WDR25: variants seen among roughly 807,000 people sequenced by gnomAD.
WDR25 encodes WD repeat-containing protein 25.
Under a neutral mutation model 47.7 loss-of-function variants are expected in WDR25, and 35 were observed. The observed-to-expected ratio is 0.73, with a 90% CI of 0.56 to 0.97. The LOEUF is 0.97. Ranked by LOEUF, WDR25 falls within the 50% of genes least tolerant of loss-of-function variation. The pLI, the probability that WDR25 is intolerant of heterozygous loss-of-function variation, is 0.00. For synonymous variants in WDR25, 248 were observed against 278.9 expected (o/e 0.89, Z 1.10); for missense variants, 634 against 704.7 (o/e 0.90, Z 1.14).
intron 2 of WDR25, among the ~76,000 whole-genome samples, chr14:100,452,663 C>T (rs1326216797): frequency 1.3e-5 from 2 of 151,992 alleles, no homozygotes; most frequent in Admixed American, 1.3e-4. Flanking sequence ...AGATTTATTC[C>T]AGGTGTGATG....
chr14:100,435,497 A>G lies in WDR25; in HGVS notation c.823-32524A>G, dbSNP rs75237897. Reference sequence around the variant, plus strand: ...GTGCTCAGAAAAATTTTTAAAAATGATAGTGATATGTGATCAAAAAAGTTT... The same window carrying G: ...GTGCTCAGAAAAATTTTTAAAAATGGTAGTGATATGTGATCAAAAAAGTTT... On this transcript the variant is annotated intron_variant, in intron 2 of 6. Transcript: ENST00000402312. Among the ~76,000 whole-genome samples, 333 of 152,308 alleles carry G rather than the reference A, an allele frequency of 2.2e-3. 8 individuals carry two copies. The East Asian group carries it at 0.052, about 24-fold the overall frequency.
chr14:100,394,444 A>G (rs1897213920), intron 2 of WDR25, among the ~76,000 whole-genome samples: 1 of 152,142 alleles, frequency 6.6e-6, no homozygotes, highest in Non-Finnish European at 1.5e-5. Context: ...GTGAGCAGAG[A>G]AAGCACTCAG....
At chr14:100,511,681 A>G (rs1359832509) in intron 4 of WDR25, among the ~76,000 whole-genome samples, 3 of 151,708 alleles carry the variant, frequency 2.0e-5, no homozygotes, top group Admixed American at 6.6e-5. Flanking sequence ...TCCTTGCCTT[A>G]TTTCTGATCA....
rs529281096 is a variant in WDR25 at position 100,523,808 on chromosome 14, A to G, written c.1102-2062A>G. ...CTACCAGGGGCCCGCAGTTGCCAGA[A>G]GAGTCTGAGTGAGACTCCCTTTTGG... On this transcript the variant is annotated intron_variant, in intron 4 of 6. Coordinates refer to ENST00000402312, the MANE Select transcript of WDR25 (RefSeq NM_001161476.3). This position sits in a 1 kb window ranked among gnomAD's most constrained non-coding sequence, Gnocchi z 4.7. Among the ~76,000 whole-genome samples the G allele has an allele frequency of 5.9e-5, 9 of 152,240 alleles. No homozygotes were observed. The South Asian group carries it at 1.9e-3, about 32-fold the overall frequency.
At chr14:100,456,522 C>T (rs1198194400) in intron 2 of WDR25, among the ~76,000 whole-genome samples, 1 of 152,166 alleles carries the variant, frequency 6.6e-6, no homozygotes, top group African/African-American at 2.4e-5. Context: ...AAGGTAGAGA[C>T]TAGCATGAGC....
chr14:100,454,636 A>G (rs1899143492), intron 2 of WDR25: 1 of 408,462 alleles, frequency 2.4e-6, no homozygotes, highest in South Asian at 1.8e-5. Context: ...TCTGACTTTT[A>G]TGATTTTGTC....
In WDR25 at chr14:100,430,667, C is replaced by T. The variant is rs1898304818; in HGVS notation, c.823-37354C>T. On this transcript the variant is annotated intron_variant, in intron 2 of 6. Coordinates refer to ENST00000402312, the MANE Select transcript of WDR25 (RefSeq NM_001161476.3). The surrounding 1 kb of genome is among the most constrained non-coding windows in gnomAD (Gnocchi z 4.7). The stretch of plus-strand genomic sequence containing the variant: ...ACTGAGGCACAGTGGGAACCAGCGG[C>T]TGTTATAGGTGACCCAGTGAGGGAG... 6.6e-6 allele frequency among the ~76,000 whole-genome samples: 1 copy of T among 152,166 alleles called. No homozygotes were observed.
rs116641302 is a variant in WDR25 at position 100,499,945 on chromosome 14, C to G, written c.1101+15821C>G. ...GGGATACAAGGACTGGAAATTGACA[C>G]CAGATAGCTCTGTCTGGTGGGGAGA... is the stretch of plus-strand genomic sequence containing the variant. On this transcript the variant is annotated intron_variant, in intron 4 of 6. Transcript: ENST00000402312. The surrounding 1 kb of genome is among the most constrained non-coding windows in gnomAD (Gnocchi z 4.4). Among the ~76,000 whole-genome samples the G allele has an allele frequency of 0.011, 1,751 of 152,272 alleles. 30 individuals carry two copies. The highest frequency in any genetic ancestry group is 0.04 in the African/African-American group (1,655 of 41,544).
At chr14:100,463,618 C>G (rs1045167792) in intron 2 of WDR25, among the ~76,000 whole-genome samples, 1 of 152,196 alleles carries the variant, frequency 6.6e-6, no homozygotes, top group Non-Finnish European at 1.5e-5. Flanking sequence ...TCCACAATGG[C>G]ATCCACAGCT....
intron 2 of WDR25, among the ~76,000 whole-genome samples, chr14:100,412,874 G>A (rs750863094): frequency 3.9e-5 from 6 of 152,196 alleles, no homozygotes; most frequent in Admixed American, 1.3e-4. Context: ...CTGTTGCCCA[G>A]GCTGGAGTAC....
intron 3 of WDR25, among the ~76,000 whole-genome samples, chr14:100,469,695 CACTT>C (rs1323188439): frequency 3.3e-5 from 5 of 152,194 alleles, no homozygotes; most frequent in African/African-American, 1.2e-4. Flanking sequence ...ATGATGGCAG[CACTT>C]ACTACTGAGC....
chr14:100,456,252 G>T (rs2140275533), intron 2 of WDR25, among the ~76,000 whole-genome samples: 1 of 152,318 alleles, frequency 6.6e-6, no homozygotes, highest in Non-Finnish European at 1.5e-5. Flanking sequence ...GCTGAGACGG[G>T]AGGATTGCTT....
chr14:100,445,499 T>C (rs1428898534), intron 2 of WDR25, among the ~76,000 whole-genome samples: 1 of 152,330 alleles, frequency 6.6e-6, no homozygotes, highest in African/African-American at 2.4e-5. Context: ...AACATCCTTT[T>C]GTAAAGGTGA....
chr14:100,470,866 C>T (rs1899806426), intron 3 of WDR25, among the ~76,000 whole-genome samples: 1 of 152,222 alleles, frequency 6.6e-6, no homozygotes, highest in Non-Finnish European at 1.5e-5. Context: ...AGGGCATTAC[C>T]ATCCAGTGGG....
At chr14:100,415,994 C>G (rs1206925466) in intron 2 of WDR25, among the ~76,000 whole-genome samples, 1 of 152,206 alleles carries the variant, frequency 6.6e-6, no homozygotes, top group African/African-American at 2.4e-5. Context: ...TCTGTCAGTG[C>G]ACTGCCACCT....
At chr14:100,447,397 G>A (rs1898872789) in intron 2 of WDR25, among the ~76,000 whole-genome samples, 3 of 152,244 alleles carry the variant, frequency 2.0e-5, no homozygotes, top group Admixed American at 1.3e-4. Flanking sequence ...TGGGCAGTAG[G>A]GGGGCACGTG....
chr14:100,452,658 T>C (rs925538296), intron 2 of WDR25, among the ~76,000 whole-genome samples: 1 of 151,986 alleles, frequency 6.6e-6, no homozygotes, highest in Non-Finnish European at 1.5e-5. Flanking sequence ...ACACAAGATT[T>C]ATTCCAGGTG....
At chr14:100,431,737 T>A (rs1898344036) in intron 2 of WDR25, among the ~76,000 whole-genome samples, 1 of 144,454 alleles carries the variant, frequency 6.9e-6, no homozygotes, top group South Asian at 2.2e-4. Context: ...TGAGATGGAG[T>A]CTTGCTCTGT....
At position 100,381,257 on chromosome 14, in the gene WDR25, G is replaced by A. The variant is rs377459133; in HGVS notation, c.333G>A (p.Glu111=). 1.2e-6 allele frequency: 2 copies of A among 1,614,110 alleles called. No homozygotes were observed. The highest frequency in any genetic ancestry group is 2.2e-5 in the East Asian group (1 of 44,868). ...KEPQVTFPIK[E]PSCSSLWTSH... is the part of the protein sequence containing the mutation. The stretch of plus-strand genomic sequence containing the variant: ...CTCAAGTCACCTTCCCCATCAAAGA[G>A]CCTTCTTGTTCTTCTCTGTGGACGA... The change falls in exon 2 of 7, where the codon GAG becomes GAA. Residue 111 remains glutamate (E), a synonymous_variant. Coordinates refer to ENST00000402312, the MANE Select transcript of WDR25 (RefSeq NM_001161476.3).
Sources: gnomAD v4.1 joint callset for allele counts (sites outside exome capture counted in the v4.1 genomes callset) on GRCh38, gnomAD v4.1.1 for gene constraint, Gnocchi (gnomAD v3.1) non-coding constraint, MANE v1.5 for transcripts, NCBI Gene and HGNC (gene_info 2026-07-23, HGNC 2026-07-21) for gene names.